Variants in MYLK observed in about 807,000 individuals in gnomAD.
The protein encoded by MYLK is myosin light chain kinase, smooth muscle.
Under a neutral mutation model 203.4 loss-of-function variants are expected in MYLK, and 106 were observed. That is an observed-to-expected ratio of 0.52 (90% confidence interval 0.45 to 0.61). The LOEUF is 0.61. Among genes scored for constraint, MYLK ranks in the 20% least tolerant of loss-of-function variants. The pLI is 0.00. For synonymous variants in MYLK, 867 were observed against 959.5 expected, an observed-to-expected ratio of 0.90 and a Z score of 1.78; for missense variants, 2,072 against 2,442.3, an observed-to-expected ratio of 0.85 and a Z score of 3.20.
intron 2 of MYLK, among the ~76,000 whole-genome samples, chr3:123,832,100 A>G (rs1188058857): frequency 6.6e-6 from 1 of 152,190 alleles, no homozygotes. Flanking sequence ...TGACATGGCC[A>G]GGGGAATAAA....
At position 123,613,591 on chromosome 3, in the gene MYLK, C is replaced by A. The variant is rs1030901037; in HGVS notation, c.*514G>T. ...AAAGAGAAATGGAGAGTTTGAACATCTGCAGTGTACTTTGGAATAAAGTGG... is the reference window on the plus strand; with the variant it reads ...AAAGAGAAATGGAGAGTTTGAACATATGCAGTGTACTTTGGAATAAAGTGG... On this transcript the variant is annotated 3_prime_UTR_variant, in exon 34 of 34. Transcript: ENST00000360304. The A allele has an allele frequency of 6.2e-5, 11 of 177,904 alleles. No individual in the cohort carries two copies. The South Asian group carries it at 1.4e-3, about 23-fold the overall frequency. 11.0% of individuals were successfully genotyped at this position (177,904 alleles called of 1,614,324 possible).
intron 24 of MYLK, among the ~76,000 whole-genome samples, chr3:123,653,360 A>G (rs2059281681): frequency 6.6e-6 from 1 of 152,038 alleles, no homozygotes; most frequent in African/African-American, 2.4e-5. Flanking sequence ...ACCGTGGAGG[A>G]CTTTTGCCTG....
intron 3 of MYLK, among the ~76,000 whole-genome samples, chr3:123,807,084 G>C (rs114386580): frequency 6.6e-6 from 1 of 152,152 alleles, no homozygotes; most frequent in Non-Finnish European, 1.5e-5. Flanking sequence ...CAGTCCTTCT[G>C]AACTTCAAAT....
At chr3:123,786,115 C>T (rs1370596836) in intron 4 of MYLK, among the ~76,000 whole-genome samples, 1 of 151,958 alleles carries the variant, frequency 6.6e-6, no homozygotes, top group Admixed American at 6.6e-5. Context: ...CCAGCCTAGC[C>T]AACATGGTGA....
intron 13 of MYLK, among the ~76,000 whole-genome samples, chr3:123,719,439 C>G (rs555483944): frequency 6.6e-6 from 1 of 152,240 alleles, no homozygotes; most frequent in Non-Finnish European, 1.5e-5. Context: ...AACCCCTCCT[C>G]AGTCTTGGCA....
At chr3:123,644,951 G>A (rs1328461066) in intron 27 of MYLK, among the ~76,000 whole-genome samples, 3 of 152,204 alleles carry the variant, frequency 2.0e-5, no homozygotes, top group Non-Finnish European at 2.9e-5. Context: ...GATAGGATTT[G>A]ACAATTGCAA....
At chr3:123,738,835 T>C (rs1243100654) in intron 7 of MYLK, 62 bp downstream of exon 7, 3 of 1,560,478 alleles carry the variant, frequency 1.9e-6, no homozygotes, top group African/African-American at 1.4e-5. Flanking sequence ...GGTATGTCTA[T>C]TAGCAGCATG....
intron 2 of MYLK, among the ~76,000 whole-genome samples, chr3:123,856,674 C>T (rs1475792297): frequency 2.0e-5 from 3 of 152,142 alleles, no homozygotes; most frequent in Non-Finnish European, 4.4e-5. Flanking sequence ...AGTGATTTCT[C>T]AAAGTGTTAC....
chr3:123,797,836 T>C (rs942537311), intron 3 of MYLK, among the ~76,000 whole-genome samples: 3 of 152,206 alleles, frequency 2.0e-5, no homozygotes, highest in African/African-American at 7.2e-5. Flanking sequence ...TCAATAGCAG[T>C]GGCTGTCAAC....
intron 2 of MYLK, among the ~76,000 whole-genome samples, chr3:123,847,872 G>T (rs2700397): frequency 0.84 from 126,972 of 151,994 alleles, 53,198 homozygotes; most frequent in East Asian, 0.96. Flanking sequence ...GTCTTATTTG[G>T]ATATTTAAGT....
chr3:123,777,604 C>A (rs979242348), intron 4 of MYLK, among the ~76,000 whole-genome samples: 8 of 152,182 alleles, frequency 5.3e-5, no homozygotes, highest in Non-Finnish European at 1.0e-4. Flanking sequence ...GACCTGAGGG[C>A]CACAAGGCAG....
At chr3:123,789,486 A>G (rs1009009575) in intron 4 of MYLK, among the ~76,000 whole-genome samples, 1 of 152,108 alleles carries the variant, frequency 6.6e-6, no homozygotes, top group African/African-American at 2.4e-5. Context: ...TTGGGCAGAC[A>G]GGTCTCCTGC....
intron 3 of MYLK, among the ~76,000 whole-genome samples, chr3:123,811,869 T>A (rs1218832670): frequency 6.6e-6 from 1 of 152,246 alleles, no homozygotes; most frequent in Non-Finnish European, 1.5e-5. Flanking sequence ...GTACTTCACA[T>A]ACTTATTTGT....
At chr3:123,705,038 A>G (rs1259991353) in intron 16 of MYLK, among the ~76,000 whole-genome samples, 2 of 152,206 alleles carry the variant, frequency 1.3e-5, no homozygotes, top group Non-Finnish European at 2.9e-5. Flanking sequence ...AGTAGACAAG[A>G]GCTAGGAAGG....
At chr3:123,709,679 G>A in intron 14 of MYLK, 77 bp downstream of exon 14, 2 of 1,586,486 alleles carry the variant, frequency 1.3e-6, no homozygotes, top group Non-Finnish European at 1.7e-6. Flanking sequence ...GATCTGAGCG[G>A]GTCCTCGGAG....
At chr3:123,724,139 C>CTTTTTTT (rs5852359) in intron 12 of MYLK, among the ~76,000 whole-genome samples, 9 of 80,842 alleles carry the variant, frequency 1.1e-4, no homozygotes, top group Middle Eastern at 0.017. Context: ...CTAAGTTTTG[C>CTTTTTTT]TTTTTTTTTT....
intron 2 of MYLK, among the ~76,000 whole-genome samples, chr3:123,843,284 C>A (rs2066636853): frequency 2.0e-5 from 3 of 152,128 alleles, no homozygotes. Context: ...TTTAATATGT[C>A]CTTGCAAATT....
chr3:123,768,794 T>A (rs543747767), intron 4 of MYLK, among the ~76,000 whole-genome samples: 6 of 152,350 alleles, frequency 3.9e-5, no homozygotes, highest in South Asian at 4.1e-4. Context: ...TTTCGAAACA[T>A]CTTCACCATA....
intron 16 of MYLK, among the ~76,000 whole-genome samples, chr3:123,705,138 C>T (rs1448759902): frequency 1.8e-4 from 27 of 151,220 alleles, no homozygotes; most frequent in Non-Finnish European, 2.8e-4. Flanking sequence ...CCCTGCACAC[C>T]GGACCCCCGG....
Sources: allele counts gnomAD v4.1 joint callset (sites outside exome capture counted in the v4.1 genomes callset), GRCh38; gene constraint gnomAD v4.1.1; transcripts MANE v1.5; gene names NCBI Gene and HGNC (gene_info 2026-07-23, HGNC 2026-07-21).